Variants in SPTAN1 observed in about 807,000 individuals in gnomAD.
The protein encoded by SPTAN1 is spectrin alpha, non-erythrocytic 1, also known as spectrin alpha chain, non-erythrocytic 1.
In SPTAN1, 61 loss-of-function variants were observed where a neutral mutation model predicts 331.3. The ratio of observed to expected loss-of-function variants is 0.18; its 90% confidence interval spans 0.15 to 0.23. The LOEUF (loss-of-function observed/expected upper bound fraction) is 0.23. SPTAN1 is among the 10% of genes least tolerant of loss of function. SPTAN1 has a pLI of 1.00. For synonymous variants in SPTAN1, 1,153 were observed against 1,173.9 expected (o/e 0.98, Z 0.36); for missense variants, 2,043 against 3,147.9 (o/e 0.65, Z 8.40).
chr9:128,577,070 T>A lies in SPTAN1; in HGVS notation c.786-59T>A. On this transcript the variant is annotated intron_variant, in intron 6 of 56. Transcript: ENST00000372739. This position sits in a 1 kb window ranked among gnomAD's most constrained non-coding sequence, Gnocchi z 4.2. ...CTGACTAGGCCTTGGTCCCATGGGG[T>A]GTTCCTAGTTCTAGGGAGTCATCAT... 1.2e-6 allele frequency: 2 copies of A among 1,613,726 alleles called. No homozygotes were observed. The highest frequency in any genetic ancestry group is 1.1e-5 in the South Asian group (1 of 91,058).
Position 128,599,094 on chromosome 9 carries a change from A to T in SPTAN1, c.3543+108A>T. ...ATCAGAATTGCTGTTCCTGAACCTC[A>T]GATGCCTTTTGTGTGTAAAGATTTG... is the stretch of plus-strand genomic sequence containing the variant. On this transcript the variant is annotated intron_variant, in intron 26 of 56. Coordinates refer to ENST00000372739, the MANE Select transcript of SPTAN1 (RefSeq NM_001130438.3). The T allele has an allele frequency of 2.8e-6, 3 of 1,068,384 alleles. No individual in the cohort carries two copies. In the Admixed American group the frequency reaches 5.1e-5, roughly 18 times the overall value. 66.2% of individuals were successfully genotyped at this position (1,068,384 alleles called of 1,614,324 possible).
intron 1 of SPTAN1, among the ~76,000 whole-genome samples, chr9:128,560,327 A>AC (rs939723629): frequency 2.8e-5 from 4 of 141,252 alleles, no homozygotes; most frequent in Non-Finnish European, 6.1e-5. Flanking sequence ...AAGGCAATCC[A>AC]CCCCCTTCAG....
rs1057524335 is a variant in SPTAN1, at chr9:128,615,787, C to T, written c.5304C>T (p.Ser1768=). Residue 1768 remains serine (S), a synonymous_variant, in exon 41 of 57, where the codon TCC becomes TCT. Coordinates refer to ENST00000372739, the MANE Select transcript of SPTAN1 (RefSeq NM_001130438.3). ...AASRRAKLNE[S]HRLHQFFRDM... is the part of the protein sequence containing the mutation. Reference sequence around the variant, plus strand: ...CCCGGCGAGCCAAGCTGAATGAATCCCATCGCCTGCACCAGTTCTTCCGGG... The same window carrying T: ...CCCGGCGAGCCAAGCTGAATGAATCTCATCGCCTGCACCAGTTCTTCCGGG... 6.2e-7 allele frequency: 1 copy of T among 1,614,220 alleles called. No individual in the cohort carries two copies. Among genetic ancestry groups the T allele is most frequent in the Admixed American group, 1.7e-5 (1 of 60,028 alleles).
chr9:128,609,191 G>A lies in SPTAN1; in HGVS notation c.4665G>A (p.Gln1555=). The part of the protein sequence containing the change: ...SKLGESQTLQ[Q]FSRDVDEIEA... ...TAGGAGAATCTCAAACCCTCCAACA[G>A]TTCAGCCGGGATGTGGATGAGATTG... The change falls in exon 36 of 57, where the codon CAG becomes CAA. Residue 1555 remains glutamine, a synonymous_variant. Transcript: ENST00000372739. The A allele has an allele frequency of 1.9e-6, 3 of 1,614,218 alleles. No individual in the cohort carries two copies. The highest frequency in any genetic ancestry group is 2.5e-6 in the Non-Finnish European group (3 of 1,180,044).
At chr9:128,569,864 A>G (rs1850449724) in intron 3 of SPTAN1, among the ~76,000 whole-genome samples, 2 of 152,138 alleles carry the variant, frequency 1.3e-5, no homozygotes, top group Non-Finnish European at 2.9e-5. Flanking sequence ...TTGCTTGGCA[A>G]TACTCTACAG....
chr9:128,598,580 C>A, intron 25 of SPTAN1, 76 bp downstream of exon 25: 2 of 1,213,364 alleles, frequency 1.6e-6, no homozygotes, highest in Non-Finnish European at 2.4e-6. Context: ...CTGTCATAGC[C>A]CAACAAGCAG....
intron 26 of SPTAN1, 100 bp from the exon 27 acceptor site, chr9:128,599,980 G>A (rs1854879223): frequency 3.2e-6 from 4 of 1,232,998 alleles, no homozygotes; most frequent in Non-Finnish European, 2.4e-6. Context: ...TAGTATCTGG[G>A]ATCTCCCCTG....
chr9:128,631,864 C>T (rs1859795585), intron 52 of SPTAN1: 1 of 522,320 alleles, frequency 1.9e-6, no homozygotes, highest in Non-Finnish European at 3.4e-6. Context: ...GGAGTCCTCG[C>T]CGTACTTGTC....
At chr9:128,585,153 T>C (rs1399729071) in intron 18 of SPTAN1, among the ~76,000 whole-genome samples, 1 of 152,042 alleles carries the variant, frequency 6.6e-6, no homozygotes, top group Admixed American at 6.6e-5. Context: ...TAGCTGGGAC[T>C]ACAGGGACAC....
intron 41 of SPTAN1, 53 bp from the exon 42 acceptor site, chr9:128,617,587 T>G: frequency 6.2e-7 from 1 of 1,613,450 alleles, no homozygotes; most frequent in Non-Finnish European, 8.5e-7. Context: ...TGTCCCCACT[T>G]GAAAGCAGGG....
chr9:128,598,974 C>T lies in SPTAN1; in HGVS notation c.3531C>T (p.Gly1177=). The T allele has an allele frequency of 6.2e-7, 1 of 1,613,842 alleles. No homozygotes were observed. Among genetic ancestry groups the T allele is most frequent in the Non-Finnish European group, 8.5e-7 (1 of 1,179,744 alleles). Residue 1177 remains glycine (G), a synonymous_variant, in exon 26 of 57, where the codon GGC becomes GGT. Coordinates refer to ENST00000372739, the MANE Select transcript of SPTAN1 (RefSeq NM_001130438.3). ...VQAVQQQEVY[G]MMPRDETDSK... ...CTCTCTCCTTGTAGGAAGTGTATGG[C>T]ATGATGCCCAGGGTAAGTTTCGGGT...
chr9:128,609,757 G>C, intron 37 of SPTAN1, 92 bp downstream of exon 37: 1 of 809,182 alleles, frequency 1.2e-6, no homozygotes, highest in South Asian at 2.3e-5. Flanking sequence ...GTGGTCACAC[G>C]GTTTGCTGGT....
intron 3 of SPTAN1, among the ~76,000 whole-genome samples, chr9:128,572,425 A>G (rs888289618): frequency 2.0e-5 from 3 of 152,188 alleles, no homozygotes; most frequent in African/African-American, 7.2e-5. Flanking sequence ...AAGATCAGAC[A>G]CATCAGCAAT....
rs1462531337 is a variant in SPTAN1 at position 128,577,285 on chromosome 9, A to G, written c.930+12A>G. The stretch of plus-strand genomic sequence containing the variant: ...CTCTAGAAGACAAGGTGGGTTTTAC[A>G]AGCAGCTGATTCTGTAAATAAGTTA... On this transcript the variant is annotated intron_variant, in intron 7 of 56. Transcript: ENST00000372739. The surrounding 1 kb of genome is among the most constrained non-coding windows in gnomAD (Gnocchi z 4.2). The G allele has an allele frequency of 2.5e-6, 4 of 1,614,236 alleles. No individual in the cohort carries two copies. In the South Asian group the frequency reaches 4.4e-5, roughly 18 times the overall value.
intron 1 of SPTAN1, among the ~76,000 whole-genome samples, chr9:128,565,900 TC>T (rs1849977086): frequency 6.6e-6 from 1 of 152,200 alleles, no homozygotes; most frequent in Admixed American, 6.5e-5. Flanking sequence ...TGAGAGCACG[TC>T]GTTTTTCCTG....
At chr9:128,563,331 G>A (rs572259819) in intron 1 of SPTAN1, among the ~76,000 whole-genome samples, 28 of 151,806 alleles carry the variant, frequency 1.8e-4, no homozygotes, top group South Asian at 4.2e-4. Context: ...CGGGAGGATC[G>A]CTGGAGCCCA....
rs560319155 is a variant in SPTAN1 at position 128,632,300 on chromosome 9, C to T, written c.6936C>T (p.Asn2312=). 3 of 1,613,528 alleles carry T rather than the reference C, an allele frequency of 1.9e-6. No individual in the cohort carries two copies. The highest frequency in any genetic ancestry group is 2.2e-5 in the East Asian group (1 of 44,858). The change falls in exon 53 of 57, where the codon AAC becomes AAT. Residue 2312 remains asparagine (N), a synonymous_variant. Coordinates refer to ENST00000372739, the MANE Select transcript of SPTAN1 (RefSeq NM_001130438.3). ...AGCTGGGCATGCGCATGCAGCACAA[C>T]CTGGAGCAGCAGATCCAGGCCAGGT... ...LDQLGMRMQH[N]LEQQIQARNT...
chr9:128,598,298 G>A, intron 24 of SPTAN1, 102 bp from the exon 25 acceptor site: 1 of 866,076 alleles, frequency 1.2e-6, no homozygotes, highest in Non-Finnish European at 1.8e-6. Context: ...GTAGGCCTCT[G>A]TAGAAGAATC....
At position 128,576,870 on chromosome 9, in the gene SPTAN1, C is replaced by G; in HGVS notation, c.699C>G (p.Val233=). Residue 233 remains valine (V), a synonymous_variant, in exon 6 of 57, where the codon GTC becomes GTG. Transcript: ENST00000372739. The stretch of plus-strand genomic sequence containing the variant: ...TGATCAAGACTAAGCAGGATGAAGT[C>G]AATGCAGCCTGGCAGCGGCTGAAGG... ...EELIKTKQDE[V]NAAWQRLKGL... 1.2e-6 allele frequency: 2 copies of G among 1,614,068 alleles called. No homozygotes were observed. The highest frequency in any genetic ancestry group is 1.7e-6 in the Non-Finnish European group (2 of 1,180,040).
Sources: allele counts gnomAD v4.1 joint callset (sites outside exome capture counted in the v4.1 genomes callset), GRCh38; gene constraint gnomAD v4.1.1; non-coding constraint Gnocchi (gnomAD v3.1); transcripts MANE v1.5; gene names NCBI Gene and HGNC (gene_info 2026-07-23, HGNC 2026-07-21).